The following FARP1 variants were observed in gnomAD, a reference collection of about 807,000 sequenced individuals.
FARP1 encodes FERM, ARH/RhoGEF and pleckstrin domain protein 1.
In FARP1, 52 loss-of-function variants were observed where a neutral mutation model predicts 128.8. The ratio of observed to expected loss-of-function variants is 0.40; its 90% CI spans 0.32 to 0.51. The LOEUF is 0.51. Among genes scored for constraint, FARP1 ranks in the 20% least tolerant of loss-of-function variants. The pLI is 0.45. For synonymous variants in FARP1, 580 were observed against 551.8 expected, an observed-to-expected ratio of 1.05 and a Z score of -0.72; for missense variants, 1,333 against 1,367.9, an observed-to-expected ratio of 0.97 and a Z score of 0.40.
chr13:98,432,510 G>C (rs1190087586), intron 18 of FARP1: 1 of 152,274 alleles, frequency 6.6e-6, no homozygotes, highest in Non-Finnish European at 1.5e-5. Context: ...CTAGCATGCG[G>C]AGTTGGCCCT....
intron 2 of FARP1, among the ~76,000 whole-genome samples, chr13:98,220,844 G>C (rs571517006): frequency 6.6e-6 from 1 of 151,612 alleles, no homozygotes; most frequent in East Asian, 1.9e-4. Flanking sequence ...TTTAACAGCT[G>C]TTTGCTATTT....
At chr13:98,416,617 G>A (rs1185044028) in intron 16 of FARP1, among the ~76,000 whole-genome samples, 1 of 152,216 alleles carries the variant, frequency 6.6e-6, no homozygotes, top group East Asian at 1.9e-4. Flanking sequence ...TCTTTTCCTT[G>A]TGAAAGCAAG....
intron 1 of FARP1, among the ~76,000 whole-genome samples, chr13:98,178,684 C>T (rs181779793): frequency 6.6e-6 from 1 of 152,334 alleles, no homozygotes; most frequent in East Asian, 1.9e-4. Flanking sequence ...ATTCAGCTCA[C>T]TTGTAGTGCC....
At chr13:98,273,982 G>C (rs1318547830) in intron 2 of FARP1, among the ~76,000 whole-genome samples, 2 of 152,186 alleles carry the variant, frequency 1.3e-5, no homozygotes, top group Non-Finnish European at 2.9e-5. Context: ...ACAACACCAT[G>C]GTTTGACCTG....
At chr13:98,446,005 C>T (rs1427734927) in intron 24 of FARP1, 93 bp from the exon 25 acceptor site, 1 of 846,198 alleles carries the variant, frequency 1.2e-6, no homozygotes, top group Non-Finnish European at 1.9e-6. Context: ...CGGACATGCC[C>T]CAGCCCAGGG....
chr13:98,273,021 G>GA lies in FARP1; in HGVS notation c.171+59611dup, dbSNP rs199583853. Among the ~76,000 whole-genome samples the GA allele has an allele frequency of 1.1e-3, 174 of 152,332 alleles. 2 individuals carry two copies. In the East Asian group the frequency reaches 0.03, roughly 26 times the overall value. On this transcript the variant is annotated intron_variant, in intron 2 of 26. Transcript: ENST00000319562. ...GAAACGTAGTCTGAAGAGGTCCTGAGAAAGTGCGCCCAAGGTGGTTGGGTT... is the reference window on the plus strand; with the variant it reads ...GAAACGTAGTCTGAAGAGGTCCTGAGAAAAGTGCGCCCAAGGTGGTTGGGTT...
At chr13:98,317,798 C>G (rs1886788068) in intron 2 of FARP1, among the ~76,000 whole-genome samples, 1 of 152,140 alleles carries the variant, frequency 6.6e-6, no homozygotes, top group Admixed American at 6.6e-5. Flanking sequence ...GGGCTCTCTT[C>G]CTGGTTTGCA....
intron 1 of FARP1, among the ~76,000 whole-genome samples, chr13:98,196,719 A>C (rs1879589291): frequency 6.6e-6 from 1 of 152,186 alleles, no homozygotes; most frequent in African/African-American, 2.4e-5. Flanking sequence ...ATAGCGCCTA[A>C]ATAATTTTCC....
Position 98,310,047 on chromosome 13 carries a change from A to G in FARP1, c.172-33715A>G, listed in dbSNP as rs1382382712. Among the ~76,000 whole-genome samples, 3 of 147,206 alleles carry G rather than the reference A, an allele frequency of 2.0e-5. No individual in the cohort carries two copies. The East Asian group carries it at 5.9e-4, about 29-fold the overall frequency. ...CATCCTCTCTCTCTCTATTCCTCCA[A>G]TCTGCTCTTTTGTTCCACTTAATAG... On this transcript the variant is annotated intron_variant, in intron 2 of 26. Coordinates refer to ENST00000319562, the MANE Select transcript of FARP1 (RefSeq NM_005766.4).
intron 1 of FARP1, among the ~76,000 whole-genome samples, chr13:98,155,481 G>A (rs974865966): frequency 9.9e-5 from 15 of 152,154 alleles, no homozygotes; most frequent in Middle Eastern, 3.4e-3. Context: ...TGAACCATGA[G>A]GAAACCAAGG....
chr13:98,150,238 C>A (rs544987465), intron 1 of FARP1, among the ~76,000 whole-genome samples: 1 of 151,954 alleles, frequency 6.6e-6, no homozygotes, highest in African/African-American at 2.4e-5. Flanking sequence ...ACCATGTTGG[C>A]CAAGCTGGTC....
At chr13:98,327,152 AT>A (rs1887270390) in intron 2 of FARP1, among the ~76,000 whole-genome samples, 1 of 152,218 alleles carries the variant, frequency 6.6e-6, no homozygotes. Context: ...GTATTAAAAA[AT>A]ATTTGTTTTT....
In FARP1 at chr13:98,455,081, A is replaced by C. The variant is rs1044504140; in HGVS notation, c.*6764A>C. 2 of 152,170 alleles carry C rather than the reference A, an allele frequency of 1.3e-5. No individual in the cohort carries two copies. Among genetic ancestry groups the C allele is most frequent in the African/African-American group, 4.8e-5 (2 of 41,428 alleles). 9.4% of individuals were successfully genotyped at this position (152,170 alleles called of 1,614,324 possible). On this transcript the variant is annotated 3_prime_UTR_variant, in exon 27 of 27. Transcript: ENST00000319562. ...TGTGCTAAGTGTAAAACACACACCA[A>C]CTCCAAAGACGGTCCCTCCAAAAAT... is the stretch of plus-strand genomic sequence containing the variant.
chr13:98,367,553 C>A (rs1461454810), intron 4 of FARP1, among the ~76,000 whole-genome samples: 2 of 151,754 alleles, frequency 1.3e-5, no homozygotes, highest in Non-Finnish European at 2.9e-5. Context: ...CCCTCACTCC[C>A]TATCTACTTC....
intron 1 of FARP1, among the ~76,000 whole-genome samples, chr13:98,206,497 G>A (rs1566739500): frequency 6.6e-6 from 1 of 152,166 alleles, no homozygotes; most frequent in Non-Finnish European, 1.5e-5. Context: ...CTGTAGCCAT[G>A]AGCAGCCTCT....
chr13:98,349,830 C>T (rs1209146479), intron 3 of FARP1, among the ~76,000 whole-genome samples: 1 of 152,048 alleles, frequency 6.6e-6, no homozygotes, highest in African/African-American at 2.4e-5. Context: ...AAAGCTTTGT[C>T]AATAGTGGGA....
At chr13:98,348,206 C>T (rs765708249) in intron 3 of FARP1, among the ~76,000 whole-genome samples, 2 of 152,344 alleles carry the variant, frequency 1.3e-5, no homozygotes, top group Middle Eastern at 3.4e-3. Context: ...GCAGTGTTGA[C>T]ACGCAAGCTT....
chr13:98,207,270 T>G (rs903065400), intron 1 of FARP1, among the ~76,000 whole-genome samples: 1 of 152,114 alleles, frequency 6.6e-6, no homozygotes, highest in Non-Finnish European at 1.5e-5. Flanking sequence ...AGACATGAGA[T>G]CATTTGAGAA....
rs1555298983 is a variant in FARP1 at position 98,448,863 on chromosome 13, C to CTGAT, written c.*548_*551dup. Reference sequence around the variant, plus strand: ...TAGGAAGTTAGTAGGACTCACTTCTCTGATTAATAAGCAATTTGCAGCACA... The same window carrying CTGAT: ...TAGGAAGTTAGTAGGACTCACTTCTCTGATTGATTAATAAGCAATTTGCAGCACA... On this transcript the variant is annotated 3_prime_UTR_variant, in exon 27 of 27. Transcript: ENST00000319562. 6.6e-6 allele frequency: 1 copy of CTGAT among 152,236 alleles called. No individual in the cohort carries two copies. The highest frequency in any genetic ancestry group is 2.1e-4 in the South Asian group (1 of 4,834). 9.4% of individuals were successfully genotyped at this position (152,236 alleles called of 1,614,324 possible). A position where few individuals can be genotyped will look rare whatever the true frequency, so the allele number is the denominator to read the frequency against.
Sources: allele counts gnomAD v4.1 joint callset (sites outside exome capture counted in the v4.1 genomes callset), GRCh38; gene constraint gnomAD v4.1.1; transcripts MANE v1.5; gene names NCBI Gene and HGNC (gene_info 2026-07-23, HGNC 2026-07-21).